LRP6: variants seen among roughly 807,000 people sequenced by gnomAD.
LRP6 encodes the protein low-density lipoprotein receptor-related protein 6.
Under a neutral mutation model 184.1 loss-of-function variants are expected in LRP6, and 43 were observed. The ratio of observed to expected loss-of-function variants is 0.23; its 90% CI spans 0.18 to 0.30. The LOEUF is 0.30. Ranked by LOEUF, LRP6 falls within the 10% of genes least tolerant of loss-of-function variation. The pLI is 1.00. For missense variants in LRP6, 1,571 were observed against 2,005.3 expected, an observed-to-expected ratio of 0.78 and a Z score of 4.14; for synonymous variants, 719 against 684.9, an observed-to-expected ratio of 1.05 and a Z score of -0.78.
chr12:12,166,179 T>A (rs1334937949), intron 7 of LRP6, among the ~76,000 whole-genome samples: 3 of 152,200 alleles, frequency 2.0e-5, no homozygotes, highest in African/African-American at 7.2e-5. Context: ...TTCTAAAGGC[T>A]AATTTGCCCA....
chr12:12,181,384 C>A lies in LRP6; in HGVS notation c.1032G>T (p.Leu344Phe). 6.5e-7 allele frequency: 1 copy of A among 1,542,320 alleles called. No homozygotes were observed. Among genetic ancestry groups the A allele is most frequent in the Non-Finnish European group, 9.0e-7 (1 of 1,114,864 alleles). The stretch of plus-strand genomic sequence containing the variant: ...CAATGTCTGTAAAATCTGGTGTATC[C>A]AAAGAAATGCGTCTCAAGTCTGTCC... ...ARRTDLRRIS[L>F]DTPDFTDIVL... Residue 344 changes from leucine to phenylalanine, a missense_variant, in exon 6 of 23, where the codon TTG becomes TTT. Transcript: ENST00000261349.
chr12:12,125,297 G>T lies in LRP6; in HGVS notation c.4448C>A (p.Ala1483Glu). 2.7e-5 allele frequency: 43 copies of T among 1,613,982 alleles called. No homozygotes were observed. Among genetic ancestry groups the T allele is most frequent in the Non-Finnish European group, 3.6e-5 (43 of 1,179,912 alleles). ...TTCAAAGGAAAACAGACTACTTACT[G>T]CAGGGAAGTAAGTGCCTTTGGTGCT... ...SSSTKGTYFP[A>E]ILNPPPSPAT... is the part of the protein sequence containing the mutation. The change falls in exon 21 of 23, where the codon GCA becomes GAA. Residue 1483 changes from alanine to glutamate, a missense_variant and splice_region_variant. Transcript: ENST00000261349.
intron 8 of LRP6, 124 bp downstream of exon 8, chr12:12,164,955 A>AAAAAAAAT: frequency 1.9e-6 from 1 of 528,568 alleles, no homozygotes; most frequent in Non-Finnish European, 3.3e-6. Flanking sequence ...AAAAAAAAAA[A>AAAAAAAAT]GGCGGGGGGG....
At chr12:12,206,372 C>T (rs894094584) in intron 2 of LRP6, among the ~76,000 whole-genome samples, 6 of 151,674 alleles carry the variant, frequency 4.0e-5, no homozygotes, top group African/African-American at 1.5e-4. Context: ...GAAACCCTGT[C>T]TCTATTAAAA....
intron 2 of LRP6, among the ~76,000 whole-genome samples, chr12:12,209,736 T>C (rs1864158121): frequency 6.6e-6 from 1 of 152,196 alleles, no homozygotes; most frequent in Admixed American, 6.5e-5. Flanking sequence ...TGAACACCTA[T>C]TAAAGCGGTG....
chr12:12,147,992 A>C (rs930129640), intron 14 of LRP6, among the ~76,000 whole-genome samples: 9 of 147,754 alleles, frequency 6.1e-5, no homozygotes, highest in African/African-American at 2.5e-5. Context: ...ATATATATAT[A>C]TCCTCTTTTA....
At chr12:12,203,996 A>AGTTGT (rs1863982616) in intron 2 of LRP6, among the ~76,000 whole-genome samples, 2 of 152,298 alleles carry the variant, frequency 1.3e-5, no homozygotes, top group African/African-American at 4.8e-5. Context: ...CTTATTAACA[A>AGTTGT]CAAAGAAGAA....
chr12:12,261,904 CAAAA>C (rs150509558), intron 1 of LRP6, among the ~76,000 whole-genome samples: 1 of 151,668 alleles, frequency 6.6e-6, no homozygotes, highest in Non-Finnish European at 1.5e-5. Flanking sequence ...CCCACCAAAA[CAAAA>C]AAAAGTAACG....
intron 7 of LRP6, among the ~76,000 whole-genome samples, chr12:12,175,488 C>T (rs1205460729): frequency 6.6e-6 from 1 of 151,938 alleles, no homozygotes; most frequent in Non-Finnish European, 1.5e-5. Flanking sequence ...GAGATCGAGA[C>T]CAGCCTGGCT....
At chr12:12,245,471 A>C (rs1467794416) in intron 1 of LRP6, among the ~76,000 whole-genome samples, 1 of 152,202 alleles carries the variant, frequency 6.6e-6, no homozygotes, top group Non-Finnish European at 1.5e-5. Flanking sequence ...GGCATGAGCA[A>C]ACTTTTGCAG....
At chr12:12,188,345 C>T (rs1435002637) in intron 3 of LRP6, among the ~76,000 whole-genome samples, 2 of 151,588 alleles carry the variant, frequency 1.3e-5, no homozygotes, top group African/African-American at 4.9e-5. Flanking sequence ...CAATAGCCCA[C>T]CCAGGAGGCA....
Position 12,264,143 on chromosome 12 carries a change from TA to T in LRP6, c.55+2537del, listed in dbSNP as rs559250351. Among the ~76,000 whole-genome samples the T allele has an allele frequency of 3.6e-3, 519 of 144,380 alleles. 2 individuals carry two copies. The highest frequency in any genetic ancestry group is 5.0e-3 in the Non-Finnish European group (330 of 65,596). The allele number at this position is 144,380 out of a possible 152,430, so 94.7% of individuals were successfully genotyped here. A position where few individuals can be genotyped will look rare whatever the true frequency, so the allele number is the denominator to read the frequency against. On this transcript the variant is annotated intron_variant, in intron 1 of 22. Coordinates refer to ENST00000261349, the MANE Select transcript of LRP6 (RefSeq NM_002336.3). ...GTGATGAAGCAAGACTTTGTCTCTT[TA>T]AAAAAAAAAAAATTGTGAACGTTAT...
At chr12:12,189,482 A>G (rs1343299280) in intron 3 of LRP6, among the ~76,000 whole-genome samples, 1 of 152,212 alleles carries the variant, frequency 6.6e-6, no homozygotes, top group Non-Finnish European at 1.5e-5. Flanking sequence ...GGCTTATTAG[A>G]ATCAGTAAAT....
At chr12:12,204,369 G>C (rs1433918515) in intron 2 of LRP6, among the ~76,000 whole-genome samples, 1 of 151,062 alleles carries the variant, frequency 6.6e-6, no homozygotes, top group East Asian at 1.9e-4. Context: ...TCAAGTGTAT[G>C]ATCTTGGACT....
chr12:12,160,280 A>C (rs968979502), intron 10 of LRP6, among the ~76,000 whole-genome samples: 45 of 152,214 alleles, frequency 3.0e-4, no homozygotes, highest in African/African-American at 1.1e-3. Context: ...ACATTCAAGA[A>C]AACAGCAAAG....
Position 12,266,848 on chromosome 12 carries a change from T to G in LRP6, c.-113A>C. 3.5e-6 allele frequency: 3 copies of G among 853,010 alleles called. No homozygotes were observed. The highest frequency in any genetic ancestry group is 3.9e-6 in the Non-Finnish European group (2 of 512,634). The allele number at this position is 853,010 out of a possible 1,614,324, so 52.8% of individuals were successfully genotyped here. A position where few individuals can be genotyped will look rare whatever the true frequency, so the allele number is the denominator to read the frequency against. On this transcript the variant is annotated 5_prime_UTR_variant, in exon 1 of 23. Coordinates refer to ENST00000261349, the MANE Select transcript of LRP6 (RefSeq NM_002336.3). ...GGGCTGCACGCTCATACTTCCCAGC[T>G]TCCCAGCGAGAGAAGAAAGAAAGGG... is the stretch of plus-strand genomic sequence containing the variant.
chr12:12,147,613 G>T, intron 14 of LRP6, 57 bp from the exon 15 acceptor site: 1 of 1,308,762 alleles, frequency 7.6e-7, no homozygotes, highest in Non-Finnish European at 1.1e-6. Flanking sequence ...CATAAAATGA[G>T]GATATTCTTA....
chr12:12,213,138 C>T (rs1325516369), intron 2 of LRP6, among the ~76,000 whole-genome samples: 1 of 151,972 alleles, frequency 6.6e-6, no homozygotes, highest in African/African-American at 2.4e-5. Flanking sequence ...TACTTTCTTC[C>T]CTAAGGAATC....
At chr12:12,265,566 C>G (rs1272658371) in intron 1 of LRP6, among the ~76,000 whole-genome samples, 1 of 152,186 alleles carries the variant, frequency 6.6e-6, no homozygotes, top group Non-Finnish European at 1.5e-5. Flanking sequence ...ACCTAAAAAT[C>G]TCCAGCGACC....
Sources: allele counts gnomAD v4.1 joint callset (sites outside exome capture counted in the v4.1 genomes callset), GRCh38; gene constraint gnomAD v4.1.1; transcripts MANE v1.5; gene names NCBI Gene and HGNC (gene_info 2026-07-23, HGNC 2026-07-21).